KPNA3: variants seen among roughly 807,000 people sequenced by gnomAD.
KPNA3 encodes karyopherin subunit alpha 3, also known as importin subunit alpha-4.
In KPNA3, 13 loss-of-function variants were observed where a neutral mutation model predicts 73.8. The ratio of observed to expected loss-of-function variants is 0.18; its 90% confidence interval spans 0.11 to 0.28. KPNA3 has a LOEUF of 0.28. Ranked by LOEUF, KPNA3 falls within the 10% of genes least tolerant of loss-of-function variation. KPNA3 has a pLI of 1.00. For synonymous variants in KPNA3, 186 were observed against 206.9 expected (o/e 0.90, Z 0.87); for missense variants, 360 against 618.1 (o/e 0.58, Z 4.43).
Position 49,710,989 on chromosome 13 carries a change from A to C in KPNA3, c.805T>G (p.Leu269Val). The C allele has an allele frequency of 6.2e-7, 1 of 1,611,954 alleles. No individual in the cohort carries two copies. The highest frequency in any genetic ancestry group is 8.5e-7 in the Non-Finnish European group (1 of 1,178,378). Residue 269 changes from leucine to valine, a missense_variant, in exon 11 of 17, where the codon TTG (leucine) becomes GTG (valine). Leu to Val is a conservative substitution (Grantham distance 32, BLOSUM62 1). Transcript: ENST00000261667. The stretch of plus-strand genomic sequence containing the variant: ...ATCTGTTCATTACCTCCATCTGTCA[A>C]GTATGACAGAGCCCAAACAGTGTCT... ...LVDTVWALSY[L>V]TDGGNEQIQM...
rs192885955 is a variant in KPNA3 at position 49,706,958 on chromosome 13, C to T, written c.1033-586G>A. ...TAGAGACGGGGTTTCACCGTGTTAG[C>T]CAGGATGGTCTCGATCTCCTGACCT... On this transcript the variant is annotated intron_variant, in intron 12 of 16. Coordinates refer to ENST00000261667, the MANE Select transcript of KPNA3 (RefSeq NM_002267.4). 3.9e-3 allele frequency among the ~76,000 whole-genome samples: 597 copies of T among 152,176 alleles called. 2 individuals carry two copies. Among genetic ancestry groups the T allele is most frequent in the Non-Finnish European group, 6.4e-3 (436 of 68,008 alleles).
At chr13:49,706,623 A>G (rs1340475283) in intron 12 of KPNA3, among the ~76,000 whole-genome samples, 1 of 152,254 alleles carries the variant, frequency 6.6e-6, no homozygotes, top group Non-Finnish European at 1.5e-5. Context: ...TAAGCTAGGC[A>G]TTATTCTAGG....
chr13:49,728,560 T>C (rs868812798), intron 6 of KPNA3, among the ~76,000 whole-genome samples: 3 of 152,152 alleles, frequency 2.0e-5, no homozygotes, highest in Non-Finnish European at 2.9e-5. Flanking sequence ...CTTCAAGGAA[T>C]TGTAAAAGGA....
intron 11 of KPNA3, among the ~76,000 whole-genome samples, chr13:49,710,039 G>GA (rs1566333502): frequency 1.3e-5 from 2 of 152,148 alleles, no homozygotes; most frequent in East Asian, 3.8e-4. Context: ...AGGCGGGGGG[G>GA]ATCACCTGAG....
At chr13:49,792,265 G>T (rs1274233628) in intron 1 of KPNA3, among the ~76,000 whole-genome samples, 173 bp downstream of exon 1, 2 of 151,246 alleles carry the variant, frequency 1.3e-5, no homozygotes, top group Non-Finnish European at 1.5e-5. Flanking sequence ...CTGCAGCCCG[G>T]CCGGCGTCTC....
intron 12 of KPNA3, among the ~76,000 whole-genome samples, chr13:49,708,474 C>A (rs1954229169): frequency 6.6e-6 from 1 of 152,124 alleles, no homozygotes; most frequent in Non-Finnish European, 1.5e-5. Context: ...GGTGGTTCCT[C>A]AAAAAGCTAA....
chr13:49,747,302 C>T (rs533471078), intron 1 of KPNA3, among the ~76,000 whole-genome samples: 18 of 151,868 alleles, frequency 1.2e-4, no homozygotes, highest in South Asian at 2.1e-4. Context: ...GCCGAGGTGG[C>T]GCCAGTGCAC....
At chr13:49,732,851 A>C in intron 3 of KPNA3, 75 bp from the exon 4 acceptor site, 1 of 1,322,124 alleles carries the variant, frequency 7.6e-7, no homozygotes. Flanking sequence ...TACCTGAGTT[A>C]ATATACTTTC....
chr13:49,723,500 C>T (rs548562023), intron 7 of KPNA3, among the ~76,000 whole-genome samples: 12 of 151,710 alleles, frequency 7.9e-5, no homozygotes, highest in East Asian at 3.9e-4. Flanking sequence ...ACCAGGGAGA[C>T]GGAGGTTGCA....
At position 49,712,748 on chromosome 13, in the gene KPNA3, A is replaced by G. The variant is rs557771363; in HGVS notation, c.772-1726T>C. 2.7e-5 allele frequency among the ~76,000 whole-genome samples: 4 copies of G among 150,306 alleles called. No homozygotes were observed. The South Asian group carries it at 6.3e-4, about 24-fold the overall frequency. ...GTAAGAGACAGAAGTAAAAAAATAT[A>G]TCATTTAAAACTGTCAAAACAGATA... On this transcript the variant is annotated intron_variant, in intron 10 of 16. Transcript: ENST00000261667.
chr13:49,792,225 G>C (rs1157529511), intron 1 of KPNA3, among the ~76,000 whole-genome samples: 1 of 151,736 alleles, frequency 6.6e-6, no homozygotes, highest in Non-Finnish European at 1.5e-5. Context: ...GGCATTTCCC[G>C]GTCGCCGCGC....
chr13:49,724,408 A>C (rs1954389309), intron 7 of KPNA3, among the ~76,000 whole-genome samples: 1 of 150,806 alleles, frequency 6.6e-6, no homozygotes, highest in Non-Finnish European at 1.5e-5. Flanking sequence ...GGTTCACGCC[A>C]TTCTCCCGCC....
chr13:49,788,918 T>C (rs1234817790), intron 1 of KPNA3, among the ~76,000 whole-genome samples: 1 of 152,028 alleles, frequency 6.6e-6, no homozygotes, highest in Admixed American at 6.6e-5. Context: ...TCCCTTTCTC[T>C]TCAGTGATCT....
rs983718120 is a variant in KPNA3 at position 49,766,878 on chromosome 13, A to C, written c.70-19885T>G. On this transcript the variant is annotated intron_variant, in intron 1 of 16. Transcript: ENST00000261667. ...AATTCCACTGCGTTAATATTACAAGATATCAACTAGAATTTTTTTAAAAAA... is the reference window on the plus strand; with the variant it reads ...AATTCCACTGCGTTAATATTACAAGCTATCAACTAGAATTTTTTTAAAAAA... Among the ~76,000 whole-genome samples the C allele has an allele frequency of 2.6e-5, 4 of 151,922 alleles. No homozygotes were observed. In the East Asian group the frequency reaches 5.8e-4, roughly 22 times the overall value.
chr13:49,738,868 T>C (rs1954548197), intron 2 of KPNA3, among the ~76,000 whole-genome samples: 1 of 152,198 alleles, frequency 6.6e-6, no homozygotes. Context: ...TCCAGCATTA[T>C]ACTGAATAAG....
intron 10 of KPNA3, among the ~76,000 whole-genome samples, chr13:49,711,755 T>G (rs536938044): frequency 1.6e-4 from 25 of 152,304 alleles, no homozygotes; most frequent in African/African-American, 5.8e-4. Context: ...AAAATCAAGA[T>G]GTTTCCTATT....
intron 2 of KPNA3, among the ~76,000 whole-genome samples, chr13:49,742,912 G>A (rs542346026): frequency 2.6e-4 from 39 of 152,180 alleles, no homozygotes; most frequent in South Asian, 8.3e-4. Flanking sequence ...TTAAATATAA[G>A]TGCATATTTT....
intron 1 of KPNA3, among the ~76,000 whole-genome samples, chr13:49,762,889 TAAATAA>T (rs1431388898): frequency 2.6e-5 from 2 of 77,704 alleles, no homozygotes; most frequent in Non-Finnish European, 5.5e-5. Flanking sequence ...ATTAAAAAAA[TAAATAA>T]ATAAAGTTTA....
At chr13:49,788,936 G>C (rs1203410605) in intron 1 of KPNA3, among the ~76,000 whole-genome samples, 1 of 151,912 alleles carries the variant, frequency 6.6e-6, no homozygotes, top group African/African-American at 2.4e-5. Context: ...TCTTTATAAA[G>C]AGAATTTGAA....
Sources: gnomAD v4.1 joint callset for allele counts (sites outside exome capture counted in the v4.1 genomes callset) on GRCh38, gnomAD v4.1.1 for gene constraint, MANE v1.5 for transcripts, NCBI Gene and HGNC (gene_info 2026-07-23, HGNC 2026-07-21) for gene names.